The following C16orf74 variants were observed in gnomAD, a reference collection of about 807,000 sequenced individuals.
The protein encoded by C16orf74 is uncharacterized protein C16orf74.
A neutral mutation model predicts 6.5 loss-of-function variants in C16orf74; 10 were observed. The ratio of observed to expected loss-of-function variants is 1.54; its 90% CI spans 0.95 to 2.61. The LOEUF is 2.61. Among genes scored for constraint, C16orf74 ranks in the 30% most tolerant of loss-of-function variants. The pLI, the probability that C16orf74 is intolerant of heterozygous loss-of-function variation, is 0.00. For missense variants in C16orf74, 141 were observed against 105.9 expected (o/e 1.33, Z -1.45); for synonymous variants, 60 against 42.5 (o/e 1.41, Z -1.60).
chr16:85,721,389 C>T (rs1205644099), intron 2 of C16orf74, among the ~76,000 whole-genome samples: 2 of 152,190 alleles, frequency 1.3e-5, no homozygotes, highest in African/African-American at 2.4e-5. Flanking sequence ...CCCTGTAGCA[C>T]CCCCAGCTTC....
At chr16:85,744,068 A>AG (rs397944128) in intron 1 of C16orf74, 1 of 149,380 alleles carries the variant, frequency 6.7e-6, no homozygotes, top group Non-Finnish European at 1.5e-5. Flanking sequence ...GAAAAAAAAA[A>AG]TACAAAATTA....
intron 2 of C16orf74, among the ~76,000 whole-genome samples, chr16:85,729,529 G>C (rs2054166943): frequency 1.3e-5 from 2 of 152,254 alleles, no homozygotes; most frequent in African/African-American, 2.4e-5. Flanking sequence ...GGGAAGCTCA[G>C]AGGTGAACTG....
chr16:85,748,246 G>C (rs949365347), intron 1 of C16orf74, among the ~76,000 whole-genome samples: 6 of 151,880 alleles, frequency 4.0e-5, no homozygotes, highest in Admixed American at 3.3e-4. Flanking sequence ...GGGATGGGGA[G>C]ACATGGCTTT....
At chr16:85,714,398 TTTA>T (rs765211072) in intron 2 of C16orf74, among the ~76,000 whole-genome samples, 49,192 of 111,174 alleles carry the variant, frequency 0.44, 9,270 homozygotes, top group East Asian at 0.69. Flanking sequence ...TATTTATTTA[TTTA>T]TTATTTATTT....
At chr16:85,737,744 T>C (rs117309229) in intron 1 of C16orf74, among the ~76,000 whole-genome samples, 21,575 of 151,986 alleles carry the variant, frequency 0.14, 2,137 homozygotes, top group Non-Finnish European at 0.2. Context: ...GGCATGAGAA[T>C]CTCTTGAACC....
intron 2 of C16orf74, among the ~76,000 whole-genome samples, chr16:85,728,677 G>C (rs1051724565): frequency 6.6e-6 from 1 of 152,218 alleles, no homozygotes; most frequent in Admixed American, 6.5e-5. Flanking sequence ...GCAGGAAGGT[G>C]TAACGGCTCC....
intron 2 of C16orf74, among the ~76,000 whole-genome samples, chr16:85,717,898 C>A (rs2054040865): frequency 1.3e-5 from 2 of 152,194 alleles, no homozygotes; most frequent in African/African-American, 4.8e-5. Flanking sequence ...GCCAGGCAAG[C>A]CCGTGCCCGA....
rs1038947555 is a variant in C16orf74, at chr16:85,716,507, G to A, written c.29-6200C>T. 2.8e-5 allele frequency among the ~76,000 whole-genome samples: 4 copies of A among 140,464 alleles called. No individual in the cohort carries two copies. In the East Asian group the frequency reaches 9.2e-4, roughly 32 times the overall value. The allele number at this position is 140,464 out of a possible 152,430, so 92.1% of individuals were successfully genotyped here. A position where few individuals can be genotyped will look rare whatever the true frequency, so the allele number is the denominator to read the frequency against. On this transcript the variant is annotated intron_variant, in intron 2 of 3. Coordinates refer to ENST00000284245, the MANE Select transcript of C16orf74 (RefSeq NM_206967.3). ...GAGGGGACGAAGGAGAGGAGGAAGG[G>A]AGGGAGGAGACAGGGGAGAAGGAAG...
At chr16:85,720,771 CAAAAA>C (rs57419341) in intron 2 of C16orf74, among the ~76,000 whole-genome samples, 4 of 81,474 alleles carry the variant, frequency 4.9e-5, no homozygotes, top group East Asian at 8.3e-4. Flanking sequence ...GATCCTGCCT[CAAAAA>C]AAAAAAAAAA....
At position 85,710,213 on chromosome 16, in the gene C16orf74, C is replaced by G; in HGVS notation, c.123G>C (p.Thr41=). The G allele has an allele frequency of 3.3e-6, 5 of 1,498,432 alleles. No individual in the cohort carries two copies. Among genetic ancestry groups the G allele is most frequent in the Non-Finnish European group, 4.4e-6 (5 of 1,135,572 alleles). 92.8% of individuals were successfully genotyped at this position (1,498,432 alleles called of 1,614,324 possible). A position where few individuals can be genotyped will look rare whatever the true frequency, so the allele number is the denominator to read the frequency against. ...GCATCATGCCCGTGGGGGTGGGGGGCGTGATGATGATGTCGGGCACGTCCA... is the reference window on the plus strand; with the variant it reads ...GCATCATGCCCGTGGGGGTGGGGGGGGTGATGATGATGTCGGGCACGTCCA... ...KHLDVPDIII[T]PPTPTGMMLP... The change falls in exon 3 of 4, where the codon ACG becomes ACC. Residue 41 remains threonine (T), a synonymous_variant. Coordinates refer to ENST00000284245, the MANE Select transcript of C16orf74 (RefSeq NM_206967.3).
At chr16:85,721,942 C>T (rs1019377866) in intron 2 of C16orf74, among the ~76,000 whole-genome samples, 1 of 150,494 alleles carries the variant, frequency 6.6e-6, no homozygotes, top group Non-Finnish European at 1.5e-5. Context: ...AATTGCTACA[C>T]ACAGTTAGCC....
intron 2 of C16orf74, among the ~76,000 whole-genome samples, chr16:85,728,591 A>G (rs542970968): frequency 7.2e-5 from 11 of 151,856 alleles, no homozygotes; most frequent in Non-Finnish European, 1.5e-4. Flanking sequence ...CCAGCCAGCC[A>G]CTCTAGTGGG....
rs540318833 is a variant in C16orf74 at position 85,736,724 on chromosome 16, A to G, written c.-18-1489T>C. The stretch of plus-strand genomic sequence containing the variant: ...AACTCCCAGCCATGTGATCACGGAT[A>G]GTTTATCTCAAGACTTCACTTTCCT... On this transcript the variant is annotated intron_variant, in intron 1 of 3. Coordinates refer to ENST00000284245, the MANE Select transcript of C16orf74 (RefSeq NM_206967.3). Among the ~76,000 whole-genome samples, 13 of 152,296 alleles carry G rather than the reference A, an allele frequency of 8.5e-5. No homozygotes were observed. In the East Asian group the frequency reaches 2.3e-3, roughly 27 times the overall value.
At chr16:85,716,443 A>G (rs1282454089) in intron 2 of C16orf74, among the ~76,000 whole-genome samples, 3 of 123,542 alleles carry the variant, frequency 2.4e-5, no homozygotes, top group African/African-American at 6.2e-5. Flanking sequence ...AAGAGGAGGA[A>G]GGGAAGGAAG....
chr16:85,731,024 G>C (rs961235537), intron 2 of C16orf74, among the ~76,000 whole-genome samples: 61 of 152,210 alleles, frequency 4.0e-4, no homozygotes, highest in African/African-American at 1.5e-3. Context: ...TTATTCATGG[G>C]ACTGCTAGAA....
At chr16:85,713,744 C>T (rs2053992212) in intron 2 of C16orf74, among the ~76,000 whole-genome samples, 1 of 136,818 alleles carries the variant, frequency 7.3e-6, no homozygotes. Context: ...AGACACGGTT[C>T]AATCCTTAAA....
intron 2 of C16orf74, among the ~76,000 whole-genome samples, chr16:85,720,624 A>T (rs766305345): frequency 2.6e-5 from 4 of 151,980 alleles, no homozygotes; most frequent in Admixed American, 6.6e-5. Flanking sequence ...ATTTTTTTTT[A>T]AATTAGCCAG....
At chr16:85,750,647 G>A (rs1035709092) in intron 1 of C16orf74, among the ~76,000 whole-genome samples, 3 of 152,180 alleles carry the variant, frequency 2.0e-5, no homozygotes, top group African/African-American at 7.2e-5. Flanking sequence ...TGAGTGGGGG[G>A]CCAGAGGCTT....
At chr16:85,715,723 A>G (rs940444127) in intron 2 of C16orf74, among the ~76,000 whole-genome samples, 9 of 152,168 alleles carry the variant, frequency 5.9e-5, no homozygotes, top group East Asian at 1.9e-4. Context: ...GTGGTTGCCA[A>G]TCCCTGCTCT....
Sources: gnomAD v4.1 joint callset for allele counts (sites outside exome capture counted in the v4.1 genomes callset) on GRCh38, gnomAD v4.1.1 for gene constraint, MANE v1.5 for transcripts, NCBI Gene and HGNC (gene_info 2026-07-23, HGNC 2026-07-21) for gene names.